The following PLPP1 variants were observed in gnomAD, a reference collection of about 807,000 sequenced individuals.
PLPP1 encodes phospholipid phosphatase 1, also known as lipid phosphate phosphohydrolase 1a.
PLPP1 carries 24 observed loss-of-function variants against 31.2 expected under a neutral mutation model. The ratio of observed to expected loss-of-function variants is 0.77; its 90% CI spans 0.56 to 1.08. PLPP1 has a LOEUF of 1.08. Among genes scored for constraint, PLPP1 ranks in the 50% least tolerant of loss-of-function variants. The pLI is 0.00. For missense variants in PLPP1, 319 were observed against 342.7 expected (o/e 0.93, Z 0.55); for synonymous variants, 146 against 126.3 (o/e 1.16, Z -1.05).
At chr5:55,431,307 A>C (rs1561220186) in intron 4 of PLPP1, among the ~76,000 whole-genome samples, 1 of 152,226 alleles carries the variant, frequency 6.6e-6, no homozygotes, top group Non-Finnish European at 1.5e-5. Context: ...GTATCAAGTC[A>C]CTTAGAAGGG....
chr5:55,526,781 A>C (rs1740460516), intron 1 of PLPP1, among the ~76,000 whole-genome samples: 1 of 151,922 alleles, frequency 6.6e-6, no homozygotes, highest in South Asian at 2.1e-4. Flanking sequence ...AAATACAAAA[A>C]ATTAGCTGGG....
At chr5:55,432,192 C>T (rs1321679585) in intron 4 of PLPP1, among the ~76,000 whole-genome samples, 15 of 151,612 alleles carry the variant, frequency 9.9e-5, no homozygotes, top group African/African-American at 3.6e-4. Flanking sequence ...GATCTCCCAC[C>T]TCGGCCTCTC....
intron 3 of PLPP1, among the ~76,000 whole-genome samples, chr5:55,463,584 C>T (rs1752216718): frequency 6.6e-6 from 1 of 151,462 alleles, no homozygotes; most frequent in Non-Finnish European, 1.5e-5. Flanking sequence ...TGCAGTGAGC[C>T]GAGATTGTGC....
intron 1 of PLPP1, among the ~76,000 whole-genome samples, chr5:55,532,154 T>C (rs1740691282): frequency 6.6e-6 from 1 of 152,230 alleles, no homozygotes; most frequent in Non-Finnish European, 1.5e-5. Flanking sequence ...TTGTATCATG[T>C]TAAAACTACA....
chr5:55,495,485 C>A (rs1752985726), intron 1 of PLPP1, among the ~76,000 whole-genome samples: 2 of 152,060 alleles, frequency 1.3e-5, no homozygotes, highest in Non-Finnish European at 2.9e-5. Context: ...GATACAAAAA[C>A]CAAAGCTCAG....
chr5:55,430,332 A>G (rs1017723255), intron 4 of PLPP1, among the ~76,000 whole-genome samples: 1 of 152,184 alleles, frequency 6.6e-6, no homozygotes, highest in Non-Finnish European at 1.5e-5. Context: ...ACACTGCCCC[A>G]GGGCCCAAGG....
intron 2 of PLPP1, among the ~76,000 whole-genome samples, chr5:55,469,028 G>A (rs1309420375): frequency 2.0e-5 from 3 of 152,024 alleles, no homozygotes; most frequent in Non-Finnish European, 4.4e-5. Flanking sequence ...CCAAGGGGTG[G>A]GACAGGATTT....
At chr5:55,436,088 T>C (rs990470256) in intron 4 of PLPP1, among the ~76,000 whole-genome samples, 1 of 151,860 alleles carries the variant, frequency 6.6e-6, no homozygotes, top group Non-Finnish European at 1.5e-5. Flanking sequence ...TCCTATTTCT[T>C]AGAGCAATAA....
At chr5:55,482,354 C>T (rs902585978) in intron 1 of PLPP1, among the ~76,000 whole-genome samples, 1 of 151,696 alleles carries the variant, frequency 6.6e-6, no homozygotes, top group African/African-American at 2.4e-5. Context: ...CAGAGTTAAG[C>T]TGAATTTTCA....
At chr5:55,508,245 G>C (rs1753326930) in intron 1 of PLPP1, among the ~76,000 whole-genome samples, 2 of 152,144 alleles carry the variant, frequency 1.3e-5, no homozygotes, top group South Asian at 4.1e-4. Flanking sequence ...CTATACAAAT[G>C]AAATATGAAG....
At chr5:55,511,882 G>A (rs1284361590) in intron 1 of PLPP1, among the ~76,000 whole-genome samples, 1 of 150,900 alleles carries the variant, frequency 6.6e-6, no homozygotes, top group African/African-American at 2.4e-5. Flanking sequence ...TGTTAGCCAG[G>A]ATGGTCTCAA....
chr5:55,492,525 G>T (rs971287617), intron 1 of PLPP1, among the ~76,000 whole-genome samples: 2 of 152,154 alleles, frequency 1.3e-5, no homozygotes, highest in African/African-American at 4.8e-5. Context: ...TATTAAAGAA[G>T]AGGCAACTGA....
intron 3 of PLPP1, among the ~76,000 whole-genome samples, chr5:55,443,188 A>AT (rs1441572082): frequency 1.1e-3 from 19 of 17,686 alleles, no homozygotes; most frequent in African/African-American, 2.4e-3. Flanking sequence ...AAAAAAAAAA[A>AT]AAAAATATAT....
intron 4 of PLPP1, among the ~76,000 whole-genome samples, chr5:55,427,918 T>C (rs540495551): frequency 2.0e-5 from 3 of 152,158 alleles, no homozygotes; most frequent in Admixed American, 2.0e-4. Flanking sequence ...CCCGAGTAGC[T>C]GGGATTACAG....
At chr5:55,456,687 C>T (rs1752021243) in intron 3 of PLPP1, among the ~76,000 whole-genome samples, 1 of 152,182 alleles carries the variant, frequency 6.6e-6, no homozygotes, top group African/African-American at 2.4e-5. Flanking sequence ...AATGCATACC[C>T]ACAGTTATGT....
intron 4 of PLPP1, among the ~76,000 whole-genome samples, chr5:55,435,907 G>C (rs533403795): frequency 1.3e-5 from 2 of 151,486 alleles, no homozygotes; most frequent in Non-Finnish European, 2.9e-5. Context: ...CCAGCTACTT[G>C]GGAGGCTGAG....
At chr5:55,514,699 T>G (rs749889934) in intron 1 of PLPP1, among the ~76,000 whole-genome samples, 1 of 152,188 alleles carries the variant, frequency 6.6e-6, no homozygotes, top group Non-Finnish European at 1.5e-5. Flanking sequence ...CACACAAATA[T>G]AAGGCATACA....
Position 55,425,859 on chromosome 5 carries a change from T to C in PLPP1, c.726+4A>G. 1 of 1,599,166 alleles carries C rather than the reference T, an allele frequency of 6.3e-7. No individual in the cohort carries two copies. Among genetic ancestry groups the C allele is most frequent in the Non-Finnish European group, 8.5e-7 (1 of 1,174,832 alleles). Reference sequence around the variant, plus strand: ...AGATGTAGGCTGTTGACCTGTATACTTACAACTAATATTGCAACCAGAGCT... The same window carrying C: ...AGATGTAGGCTGTTGACCTGTATACCTACAACTAATATTGCAACCAGAGCT... On this transcript the variant is annotated splice_donor_region_variant and intron_variant, in intron 5 of 5. Coordinates refer to ENST00000307259, the MANE Select transcript of PLPP1 (RefSeq NM_003711.4).
At chr5:55,471,632 C>T (rs1398928658) in intron 2 of PLPP1, among the ~76,000 whole-genome samples, 3 of 152,184 alleles carry the variant, frequency 2.0e-5, no homozygotes, top group African/African-American at 7.2e-5. Flanking sequence ...TCTCTACCTG[C>T]CAGCTCCCTC....
Sources: gnomAD v4.1 joint callset for allele counts (sites outside exome capture counted in the v4.1 genomes callset) on GRCh38, gnomAD v4.1.1 for gene constraint, MANE v1.5 for transcripts, NCBI Gene and HGNC (gene_info 2026-07-23, HGNC 2026-07-21) for gene names.